GRID2: variants seen among roughly 807,000 people sequenced by gnomAD.
The protein encoded by GRID2 is glutamate ionotropic receptor delta type subunit 2, also known as glutamate receptor ionotropic, delta-2.
In GRID2, 33 loss-of-function variants were observed where a neutral mutation model predicts 114.8. That is an observed-to-expected ratio of 0.29 (90% CI 0.22 to 0.38). The LOEUF (loss-of-function observed/expected upper bound fraction) is 0.38. Ranked by LOEUF, GRID2 falls within the 10% of genes least tolerant of loss-of-function variation. The pLI is 1.00. For missense variants in GRID2, 1,184 were observed against 1,257.7 expected (o/e 0.94, Z 0.89); for synonymous variants, 505 against 449.9 (o/e 1.12, Z -1.55).
intron 2 of GRID2, among the ~76,000 whole-genome samples, chr4:92,861,446 A>G (rs1560647451): frequency 6.6e-6 from 1 of 152,084 alleles, no homozygotes; most frequent in Non-Finnish European, 1.5e-5. Flanking sequence ...TCTATCTACC[A>G]AAGCAATCAT....
At chr4:92,707,674 C>T (rs866083962) in intron 2 of GRID2, among the ~76,000 whole-genome samples, 2 of 152,032 alleles carry the variant, frequency 1.3e-5, no homozygotes, top group African/African-American at 4.8e-5. Context: ...TATGCTATGG[C>T]GTATGTTGTA....
intron 14 of GRID2, among the ~76,000 whole-genome samples, chr4:93,632,373 C>T (rs1280819694): frequency 2.0e-5 from 3 of 152,122 alleles, no homozygotes; most frequent in African/African-American, 4.8e-5. Flanking sequence ...GTCTTTGATC[C>T]ATCTTGAATG....
chr4:93,118,773 G>A (rs1733514546), intron 4 of GRID2, among the ~76,000 whole-genome samples: 1 of 152,168 alleles, frequency 6.6e-6, no homozygotes, highest in Non-Finnish European at 1.5e-5. Flanking sequence ...GAAACTAAAG[G>A]TTATGATGAG....
intron 4 of GRID2, among the ~76,000 whole-genome samples, chr4:93,171,350 C>G (rs1738802525): frequency 6.6e-6 from 1 of 152,130 alleles, no homozygotes. Context: ...CTCTCCAACT[C>G]TTTGTTTAAA....
chr4:92,644,799 GA>G (rs1381924931), intron 2 of GRID2, among the ~76,000 whole-genome samples: 2 of 151,352 alleles, frequency 1.3e-5, no homozygotes, highest in Non-Finnish European at 3.0e-5. Flanking sequence ...AAATTTATTA[GA>G]AGACAAATAA....
chr4:93,441,351 T>G (rs1160421176), intron 10 of GRID2, among the ~76,000 whole-genome samples: 1 of 152,076 alleles, frequency 6.6e-6, no homozygotes, highest in Non-Finnish European at 1.5e-5. Context: ...TCATTTTTAT[T>G]TAACATGCCA....
chr4:93,764,398 T>C (rs1212501971), intron 14 of GRID2, among the ~76,000 whole-genome samples: 1 of 152,150 alleles, frequency 6.6e-6, no homozygotes, highest in Non-Finnish European at 1.5e-5. Flanking sequence ...CATTCATTGA[T>C]CATATGGGCA....
intron 2 of GRID2, among the ~76,000 whole-genome samples, chr4:92,625,052 T>A (rs1395584896): frequency 6.6e-6 from 1 of 151,754 alleles, no homozygotes; most frequent in Non-Finnish European, 1.5e-5. Flanking sequence ...ATAATATCTT[T>A]ATATGCTAAA....
intron 2 of GRID2, among the ~76,000 whole-genome samples, chr4:93,016,855 A>G (rs985247187): frequency 2.6e-5 from 4 of 152,208 alleles, no homozygotes; most frequent in East Asian, 1.9e-4. Context: ...AGAATAAGTT[A>G]TCACATTATT....
chr4:93,448,635 G>A (rs60611290), intron 10 of GRID2, among the ~76,000 whole-genome samples: 36,945 of 151,664 alleles, frequency 0.24, 5,273 homozygotes, highest in Non-Finnish European at 0.33. Context: ...GTAAGAGAAG[G>A]CTTTTCACCT....
chr4:93,663,615 G>T (rs1723693461), intron 14 of GRID2, among the ~76,000 whole-genome samples: 2 of 152,138 alleles, frequency 1.3e-5, no homozygotes, highest in Admixed American at 1.3e-4. Context: ...TAGGCTCTAA[G>T]GATCAGGCAG....
chr4:92,626,933 T>A (rs1730552182), intron 2 of GRID2, among the ~76,000 whole-genome samples: 1 of 151,672 alleles, frequency 6.6e-6, no homozygotes, highest in Non-Finnish European at 1.5e-5. Context: ...CCAGCCAGAA[T>A]CAGGAGAAAA....
intron 11 of GRID2, among the ~76,000 whole-genome samples, chr4:93,483,767 G>A (rs1726099628): frequency 6.6e-6 from 1 of 151,856 alleles, no homozygotes; most frequent in African/African-American, 2.4e-5. Flanking sequence ...AAACAGAGGG[G>A]TCCTTTGGAA....
At chr4:92,437,030 C>A (rs528783147) in intron 1 of GRID2, among the ~76,000 whole-genome samples, 1 of 152,136 alleles carries the variant, frequency 6.6e-6, no homozygotes, top group Non-Finnish European at 1.5e-5. Flanking sequence ...TGTATAAATT[C>A]TTAAAATGTG....
At chr4:92,673,752 G>C (rs1022654676) in intron 2 of GRID2, among the ~76,000 whole-genome samples, 1 of 151,972 alleles carries the variant, frequency 6.6e-6, no homozygotes, top group Non-Finnish European at 1.5e-5. Flanking sequence ...CTGTCCTTGT[G>C]AAAGTTTGGG....
chr4:92,964,954 T>C (rs1452805313), intron 2 of GRID2, among the ~76,000 whole-genome samples: 4 of 152,042 alleles, frequency 2.6e-5, no homozygotes, highest in Non-Finnish European at 4.4e-5. Flanking sequence ...CTTTTACATT[T>C]ACAACTTGCT....
At chr4:92,959,652 A>G (rs1752657088) in intron 2 of GRID2, among the ~76,000 whole-genome samples, 1 of 152,164 alleles carries the variant, frequency 6.6e-6, no homozygotes. Flanking sequence ...TGGCATATAT[A>G]CACCATGGAA....
Position 93,455,794 on chromosome 4 carries a change from G to A in GRID2, c.1678G>A (p.Ala560Thr). Reference protein sequence around the residue: ...RRAEKTVDMFACLAPFDLSLW... With the variant: ...RRAEKTVDMFTCLAPFDLSLW... ...GGCTGAAAAGACAGTGGATATGTTTGCCTGTCTTGCACCATTTGATCTCTC... is the reference window on the plus strand; with the variant it reads ...GGCTGAAAAGACAGTGGATATGTTTACCTGTCTTGCACCATTTGATCTCTC... Residue 560 changes from alanine (A) to threonine (T), a missense_variant, in exon 11 of 16, where the codon GCC becomes ACC. Physicochemically the swap from Ala to Thr is moderately conservative, Grantham distance 58. Around this residue, in one of 3 missense-constraint regions of GRID2, gnomAD observed 717 missense variants for 796.9 expected, o/e 0.90. Transcript: ENST00000282020. 1 of 1,613,252 alleles carries A rather than the reference G, an allele frequency of 6.2e-7. No individual in the cohort carries two copies. The highest frequency in any genetic ancestry group is 8.5e-7 in the Non-Finnish European group (1 of 1,179,268).
intron 2 of GRID2, among the ~76,000 whole-genome samples, chr4:92,617,773 T>G (rs1485231514): frequency 2.0e-5 from 3 of 151,804 alleles, no homozygotes; most frequent in Non-Finnish European, 2.9e-5. Context: ...AGTGAGCATT[T>G]TTTTGTATAC....
Sources: allele counts gnomAD v4.1 joint callset (sites outside exome capture counted in the v4.1 genomes callset), GRCh38; gene constraint gnomAD v4.1.1; regional missense constraint gnomAD v4.1.1; transcripts MANE v1.5; gene names NCBI Gene and HGNC (gene_info 2026-07-23, HGNC 2026-07-21).